The following CDKN2B-AS1 variants were observed in gnomAD, a reference collection of about 807,000 sequenced individuals.
The protein encoded by CDKN2B-AS1 is CDKN2B antisense RNA 1 (non-protein coding).
Position 22,027,177 on chromosome 9 carries a change from CAA to C in CDKN2B-AS1, n.30-19559_30-19558del, listed in dbSNP as rs35868692. Among the ~76,000 whole-genome samples the C allele has an allele frequency of 7.3e-3, 1,036 of 141,744 alleles. 7 individuals carry two copies. The highest frequency in any genetic ancestry group is 0.011 in the African/African-American group (422 of 38,962). 93.0% of individuals were successfully genotyped at this position (141,744 alleles called of 152,430 possible). ...CCACTCCTGCCCTAAACCTTTCTAG[CAA>C]AAAAAAAAAAAAAATTAATAACATG... On this transcript the variant is annotated intron_variant and non_coding_transcript_variant, in intron 1 of 4. Coordinates refer to ENST00000650946, the Ensembl canonical transcript of CDKN2B-AS1.
chr9:22,029,841 A>T (rs1822396461), intron 1 of CDKN2B-AS1: 2 of 206,930 alleles, frequency 9.7e-6, no homozygotes, highest in South Asian at 3.2e-4. Flanking sequence ...ATTAGGAAAA[A>T]TGTGTTTTCT....
At chr9:22,070,318 G>A (rs915424388) in intron 4 of CDKN2B-AS1, among the ~76,000 whole-genome samples, 1 of 151,752 alleles carries the variant, frequency 6.6e-6, no homozygotes, top group Non-Finnish European at 1.5e-5. Flanking sequence ...TTTGGTCCTG[G>A]GAAAACACAG....
At chr9:22,125,753 A>C (rs766534526) in intron 4 of CDKN2B-AS1, among the ~76,000 whole-genome samples, 1 of 152,240 alleles carries the variant, frequency 6.6e-6, no homozygotes, top group South Asian at 2.1e-4. Context: ...TCACTGTGGT[A>C]TTGCGCTAGA....
intron 4 of CDKN2B-AS1, among the ~76,000 whole-genome samples, chr9:22,062,998 T>C (rs557168085): frequency 6.7e-6 from 1 of 148,396 alleles, no homozygotes; most frequent in African/African-American, 2.5e-5. Flanking sequence ...TATATATATA[T>C]AGAGAGAGAG....
intron 4 of CDKN2B-AS1, chr9:22,066,124 A>C (rs1338245353): frequency 6.6e-6 from 1 of 152,170 alleles, no homozygotes; most frequent in African/African-American, 2.4e-5. Flanking sequence ...AATCACCTGC[A>C]AGTTTCTTTT....
rs1444508284 is a variant in CDKN2B-AS1, at chr9:21,999,539, A to G, written n.29+4378A>G. Among the ~76,000 whole-genome samples the G allele has an allele frequency of 6.6e-6, 1 of 152,032 alleles. No individual in the cohort carries two copies. Among genetic ancestry groups the G allele is most frequent in the Non-Finnish European group, 1.5e-5 (1 of 67,962 alleles). On this transcript the variant is annotated intron_variant and non_coding_transcript_variant, in intron 1 of 4. Transcript: ENST00000650946. The surrounding 1 kb of genome is among the most constrained non-coding windows in gnomAD (Gnocchi z 4.7). ...ATATGTATTTTATGTATGGATACAT[A>G]TGTATATATGGATAGATTTTACACC... is the stretch of plus-strand genomic sequence containing the variant.
intron 4 of CDKN2B-AS1, among the ~76,000 whole-genome samples, chr9:22,091,023 C>T (rs1331848488): frequency 6.6e-6 from 1 of 152,120 alleles, no homozygotes; most frequent in Non-Finnish European, 1.5e-5. Context: ...AGGAAAGGAT[C>T]CAGTTTCAGC....
chr9:22,013,684 C>T (rs1821613205), intron 1 of CDKN2B-AS1, among the ~76,000 whole-genome samples: 1 of 152,156 alleles, frequency 6.6e-6, no homozygotes, highest in Non-Finnish European at 1.5e-5. Context: ...AACTCCTGGG[C>T]TCACACAATT....
chr9:22,030,636 G>C (rs1822430586), intron 1 of CDKN2B-AS1: 1 of 152,118 alleles, frequency 6.6e-6, no homozygotes. Flanking sequence ...AAGTAGACCT[G>C]AATGTAAATT....
intron 4 of CDKN2B-AS1, chr9:22,112,175 C>T (rs1432981039): frequency 6.6e-6 from 1 of 152,200 alleles, no homozygotes; most frequent in Non-Finnish European, 1.5e-5. Context: ...CCAGAAAGGA[C>T]TGAACAATCA....
At chr9:22,045,494 T>C (rs1823070048) in intron 1 of CDKN2B-AS1, among the ~76,000 whole-genome samples, 1 of 152,076 alleles carries the variant, frequency 6.6e-6, no homozygotes, top group Admixed American at 6.6e-5. Flanking sequence ...TGGAAATGCA[T>C]AGTATTATCT....
intron 1 of CDKN2B-AS1, chr9:22,030,933 C>G (rs1392571781): frequency 6.6e-6 from 1 of 152,060 alleles, no homozygotes; most frequent in African/African-American, 2.4e-5. Context: ...TTCAAGGGGT[C>G]ATTTCTTTCA....
chr9:22,099,747 TAAA>T (rs5896965), intron 4 of CDKN2B-AS1, among the ~76,000 whole-genome samples: 2 of 151,550 alleles, frequency 1.3e-5, no homozygotes, highest in African/African-American at 4.9e-5. Flanking sequence ...AATTATTAAG[TAAA>T]AAAAAGGAAT....
intron 4 of CDKN2B-AS1, among the ~76,000 whole-genome samples, chr9:22,061,165 A>G (rs1823804629): frequency 6.6e-6 from 1 of 152,220 alleles, no homozygotes; most frequent in Non-Finnish European, 1.5e-5. Context: ...TTGGGGGAGA[A>G]CTGAAATATT....
At chr9:22,104,013 T>C (rs1423801532) in intron 4 of CDKN2B-AS1, among the ~76,000 whole-genome samples, 1 of 152,214 alleles carries the variant, frequency 6.6e-6, no homozygotes, top group East Asian at 1.9e-4. Flanking sequence ...AAATGTAGAA[T>C]CTTCTCATCT....
intron 4 of CDKN2B-AS1, among the ~76,000 whole-genome samples, chr9:22,122,147 T>G (rs1480626121): frequency 6.6e-6 from 1 of 152,004 alleles, no homozygotes; most frequent in African/African-American, 2.4e-5. Context: ...ATCTCCCTGA[T>G]GATTAGGGAT....
In CDKN2B-AS1 at chr9:22,063,904, G is replaced by A. The variant is rs77583149; in HGVS notation, n.438+7517G>A. On this transcript the variant is annotated intron_variant and non_coding_transcript_variant, in intron 4 of 4. Transcript: ENST00000650946. ...ATTGGGTGTGGAGCTATTTTTGGTGGCAGCAAAGCTCAGGATGTATTTTTT... is the reference window on the plus strand; with the variant it reads ...ATTGGGTGTGGAGCTATTTTTGGTGACAGCAAAGCTCAGGATGTATTTTTT... 764 of 152,294 alleles carry A rather than the reference G, an allele frequency of 5.0e-3. 1 individual carries two copies. Among genetic ancestry groups the A allele is most frequent in the Non-Finnish European group, 8.3e-3 (563 of 68,030 alleles). 9.4% of individuals were successfully genotyped at this position (152,294 alleles called of 1,614,324 possible). A position where few individuals can be genotyped will look rare whatever the true frequency, so the allele number is the denominator to read the frequency against.
intron 4 of CDKN2B-AS1, among the ~76,000 whole-genome samples, chr9:22,092,707 C>G (rs1015528976): frequency 6.6e-6 from 1 of 152,016 alleles, no homozygotes; most frequent in African/African-American, 2.4e-5. Flanking sequence ...TTTGATTCTT[C>G]TCTCTTTTCT....
intron 4 of CDKN2B-AS1, among the ~76,000 whole-genome samples, chr9:22,110,014 G>A (rs901866601): frequency 1.3e-5 from 2 of 152,084 alleles, no homozygotes; most frequent in African/African-American, 4.8e-5. Context: ...GAAGTCAATT[G>A]ACTTCCCTGA....
Sources: allele counts gnomAD v4.1 joint callset (sites outside exome capture counted in the v4.1 genomes callset), GRCh38; gene constraint gnomAD v4.1.1; non-coding constraint Gnocchi (gnomAD v3.1); transcripts MANE v1.5; gene names NCBI Gene and HGNC (gene_info 2026-07-23, HGNC 2026-07-21).